The following OCA2 variants were observed in gnomAD, a reference collection of about 807,000 sequenced individuals.
The protein encoded by OCA2 is P protein.
OCA2 carries 77 observed loss-of-function variants against 100.2 expected under a neutral mutation model. The ratio of observed to expected loss-of-function variants is 0.77; its 90% CI spans 0.64 to 0.93. OCA2 has a LOEUF of 0.93. Among genes scored for constraint, OCA2 ranks in the 40% least tolerant of loss-of-function variants. OCA2 has a pLI of 0.00. For missense variants in OCA2, 1,062 were observed against 1,089.1 expected, an observed-to-expected ratio of 0.98 and a Z score of 0.35; for synonymous variants, 432 against 439.2, an observed-to-expected ratio of 0.98 and a Z score of 0.21.
chr15:27,803,589 G>A (rs6497234), intron 23 of OCA2, among the ~76,000 whole-genome samples: 111,168 of 152,108 alleles, frequency 0.73, 41,991 homozygotes, highest in East Asian at 1. Flanking sequence ...CAAGGGCTAA[G>A]TAGGGAGTTC....
chr15:27,984,929 T>A, intron 13 of OCA2, 135 bp downstream of exon 13: 1 of 977,036 alleles, frequency 1.0e-6, no homozygotes, highest in South Asian at 1.4e-5. Context: ...TGGACTGGAA[T>A]GCAGTGAGCT....
At chr15:27,892,996 T>G (rs886746140) in intron 19 of OCA2, among the ~76,000 whole-genome samples, 1 of 152,190 alleles carries the variant, frequency 6.6e-6, no homozygotes, top group African/African-American at 2.4e-5. Context: ...ACACAAAGTA[T>G]GAAAACACAG....
chr15:27,803,795 A>G (rs944977964), intron 23 of OCA2, among the ~76,000 whole-genome samples: 12 of 152,272 alleles, frequency 7.9e-5, no homozygotes, highest in African/African-American at 2.9e-4. Flanking sequence ...CACACTCACT[A>G]TAATGAGTAC....
intron 23 of OCA2, among the ~76,000 whole-genome samples, chr15:27,821,341 T>A (rs956739013): frequency 6.6e-6 from 1 of 152,164 alleles, no homozygotes; most frequent in Non-Finnish European, 1.5e-5. Flanking sequence ...GAAATTTCAC[T>A]GACAATCTTC....
In OCA2 at chr15:28,014,771, G is replaced by A. The variant is rs372130852; in HGVS notation, c.1044+5C>T. 5 of 1,612,102 alleles carry A rather than the reference G, an allele frequency of 3.1e-6. No homozygotes were observed. In the African/African-American group the frequency reaches 6.7e-5, roughly 22 times the overall value. ...ACAGATCGGGGGAGCAGGTGTGAAA[G>A]TTACCTCAAATATGATCAGCGCGTA... On this transcript the variant is annotated splice_donor_5th_base_variant and intron_variant, in intron 9 of 23. Transcript: ENST00000354638.
intron 19 of OCA2, among the ~76,000 whole-genome samples, chr15:27,902,216 GTTGT>G (rs1567082691): frequency 1.1e-5 from 1 of 88,200 alleles, no homozygotes; most frequent in Non-Finnish European, 2.6e-5. Flanking sequence ...TGTTGTTGTT[GTTGT>G]TTTTTTCTAT....
chr15:27,957,827 G>A lies in OCA2; in HGVS notation c.1637-92C>T, dbSNP rs564636132. The A allele has an allele frequency of 6.8e-7, 1 of 1,474,342 alleles. No individual in the cohort carries two copies. Among genetic ancestry groups the A allele is most frequent in the African/African-American group, 1.4e-5 (1 of 72,318 alleles). The allele number at this position is 1,474,342 out of a possible 1,614,324, so 91.3% of individuals were successfully genotyped here. On this transcript the variant is annotated intron_variant, in intron 15 of 23. Transcript: ENST00000354638. This position sits in a 1 kb window ranked among gnomAD's most constrained non-coding sequence, Gnocchi z 4.3. Reference sequence around the variant, plus strand: ...TTCCCCACACAGTCGATGCCTGACAGAGCAGACACACACTCGAGACGTGCA... The same window carrying A: ...TTCCCCACACAGTCGATGCCTGACAAAGCAGACACACACTCGAGACGTGCA...
intron 19 of OCA2, chr15:27,896,185 G>C: frequency 2.2e-6 from 2 of 909,894 alleles, no homozygotes; most frequent in Admixed American, 1.7e-5. Flanking sequence ...GCCCTGAAGA[G>C]AGCTGTAGAT....
chr15:27,972,122 C>G (rs1245405969), intron 14 of OCA2, among the ~76,000 whole-genome samples: 1 of 152,190 alleles, frequency 6.6e-6, no homozygotes, highest in Non-Finnish European at 1.5e-5. Context: ...GCCTCCAGTT[C>G]CATCCAAGTT....
At chr15:28,048,354 T>C (rs2043404693) in intron 2 of OCA2, among the ~76,000 whole-genome samples, 2 of 152,146 alleles carry the variant, frequency 1.3e-5, no homozygotes, top group Admixed American at 1.3e-4. Flanking sequence ...CTTACTACAA[T>C]GGAATACAAA....
chr15:28,018,708 C>A, intron 6 of OCA2, 151 bp from the exon 7 acceptor site: 1 of 732,488 alleles, frequency 1.4e-6, no homozygotes, highest in Non-Finnish European at 2.4e-6. Context: ...ATCTTCCTGC[C>A]TTTCTTATTA....
At chr15:27,803,924 TA>T (rs1231078381) in intron 23 of OCA2, among the ~76,000 whole-genome samples, 2 of 152,214 alleles carry the variant, frequency 1.3e-5, no homozygotes, top group African/African-American at 2.4e-5. Flanking sequence ...GCAATTTCTT[TA>T]AAATTTAAAT....
chr15:27,803,515 T>C (rs1433513907), intron 23 of OCA2, among the ~76,000 whole-genome samples: 1 of 152,162 alleles, frequency 6.6e-6, no homozygotes, highest in East Asian at 1.9e-4. Context: ...ATTCCGCTAA[T>C]ATGAGATACC....
downstream of OCA2, among the ~76,000 whole-genome samples, chr15:27,750,302 G>A (rs974168867): frequency 6.6e-6 from 1 of 152,034 alleles, no homozygotes; most frequent in Admixed American, 6.6e-5. Flanking sequence ...CCCCTCTTTG[G>A]AGTGCACTTA....
At chr15:28,037,832 G>A (rs924615771) in intron 2 of OCA2, among the ~76,000 whole-genome samples, 5 of 152,106 alleles carry the variant, frequency 3.3e-5, no homozygotes, top group African/African-American at 1.2e-4. Flanking sequence ...CCTCCCACCA[G>A]AAGGCAACAC....
At chr15:28,021,657 C>T (rs1026336878) in intron 6 of OCA2, among the ~76,000 whole-genome samples, 30 of 152,138 alleles carry the variant, frequency 2.0e-4, no homozygotes, top group Non-Finnish European at 3.7e-4. Context: ...GGGAAGATCC[C>T]GGGAAAGCAT....
chr15:27,776,278 T>A (rs2151068782), intron 23 of OCA2, among the ~76,000 whole-genome samples: 1 of 152,320 alleles, frequency 6.6e-6, no homozygotes, highest in Non-Finnish European at 1.5e-5. Context: ...TCAGAAGCCA[T>A]TCTGCACACC....
At chr15:27,775,997 G>A (rs1199680855) in intron 23 of OCA2, among the ~76,000 whole-genome samples, 2 of 152,220 alleles carry the variant, frequency 1.3e-5, no homozygotes, top group East Asian at 3.8e-4. Context: ...TTTGCCATGT[G>A]CCCTTGAACG....
chr15:27,761,553 C>T (rs2030844480), intron 23 of OCA2, among the ~76,000 whole-genome samples: 1 of 151,816 alleles, frequency 6.6e-6, no homozygotes, highest in Non-Finnish European at 1.5e-5. Flanking sequence ...TGTTAATTTG[C>T]CCCAAATTGA....
Sources: allele counts gnomAD v4.1 joint callset (sites outside exome capture counted in the v4.1 genomes callset), GRCh38; gene constraint gnomAD v4.1.1; non-coding constraint Gnocchi (gnomAD v3.1); transcripts MANE v1.5; gene names NCBI Gene and HGNC (gene_info 2026-07-23, HGNC 2026-07-21).